The following SLC43A2 variants were observed in gnomAD, a reference collection of about 807,000 sequenced individuals.
SLC43A2 encodes the protein large neutral amino acids transporter small subunit 4.
A neutral mutation model predicts 63.2 loss-of-function variants in SLC43A2; 38 were observed. That is an observed-to-expected ratio of 0.60 (90% CI 0.46 to 0.79). The LOEUF is 0.79. Among genes scored for constraint, SLC43A2 ranks in the 30% least tolerant of loss-of-function variants. The pLI is 0.00. For missense variants in SLC43A2, 644 were observed against 756.2 expected (o/e 0.85, Z 1.74); for synonymous variants, 322 against 331.0 (o/e 0.97, Z 0.30).
chr17:1,591,719 C>CCGGGGGGGGGG lies in SLC43A2; in HGVS notation c.595-21_595-20insCCCCCCCCCCG. ...GATGAGCTGACAGGCACCGCGGGGACGGGGTGGGGGGGGGAGGGGGCAGAG... is the reference window on the plus strand; with the variant it reads ...GATGAGCTGACAGGCACCGCGGGGACCGGGGGGGGGGGGGGTGGGGGGGGGAGGGGGCAGAG... On this transcript the variant is annotated intron_variant, in intron 6 of 13. Transcript: ENST00000301335. 1 of 118,064 alleles carries CCGGGGGGGGGG rather than the reference C, an allele frequency of 8.5e-6. No homozygotes were observed. Among genetic ancestry groups the CCGGGGGGGGGG allele is most frequent in the Non-Finnish European group, 1.8e-5 (1 of 55,434 alleles). The allele number at this position is 118,064 out of a possible 1,614,324, so 7.3% of individuals were successfully genotyped here.
intron 5 of SLC43A2, among the ~76,000 whole-genome samples, chr17:1,598,188 C>T (rs551014462): frequency 2.6e-5 from 4 of 152,188 alleles, no homozygotes; most frequent in South Asian, 2.1e-4. Context: ...TTTGGGAGGC[C>T]GAGGCAGGTG....
At chr17:1,626,978 G>A (rs1243731990) in intron 2 of SLC43A2, among the ~76,000 whole-genome samples, 2 of 152,200 alleles carry the variant, frequency 1.3e-5, no homozygotes, top group African/African-American at 2.4e-5. Context: ...GTAAGTGTGT[G>A]TTGGGTGGTG....
Position 1,593,095 on chromosome 17 carries a change from G to C in SLC43A2, c.594+92C>G, listed in dbSNP as rs556382339. On this transcript the variant is annotated intron_variant, in intron 6 of 13. Coordinates refer to ENST00000301335, the MANE Select transcript of SLC43A2 (RefSeq NM_152346.3). The surrounding 1 kb of genome is among the most constrained non-coding windows in gnomAD (Gnocchi z 5.3). The stretch of plus-strand genomic sequence containing the variant: ...GGGGGTGGTGGAGAGGGGCCACCCC[G>C]GGTGCCCACAATTGCCTCCCTCTTC... 6.3e-6 allele frequency: 8 copies of C among 1,259,952 alleles called. No individual in the cohort carries two copies. The highest frequency in any genetic ancestry group is 9.1e-6 in the Non-Finnish European group (8 of 883,078). The allele number at this position is 1,259,952 out of a possible 1,614,324, so 78.0% of individuals were successfully genotyped here.
chr17:1,595,959 C>T (rs986825095), intron 5 of SLC43A2, among the ~76,000 whole-genome samples: 5 of 152,222 alleles, frequency 3.3e-5, no homozygotes, highest in African/African-American at 1.2e-4. Context: ...GTTTTGCCCA[C>T]TTTTAAAAAT....
chr17:1,606,708 T>C lies in SLC43A2; in HGVS notation c.501+6487A>G, dbSNP rs1410371690. On this transcript the variant is annotated intron_variant, in intron 5 of 13. Transcript: ENST00000301335. This position sits in a 1 kb window ranked among gnomAD's most constrained non-coding sequence, Gnocchi z 4.7. ...CGAGGCACTGAACAAACACTGAGCGTGCCGTCCAGATGTCCCGGGGGAGGC... is the reference window on the plus strand; with the variant it reads ...CGAGGCACTGAACAAACACTGAGCGCGCCGTCCAGATGTCCCGGGGGAGGC... Among the ~76,000 whole-genome samples the C allele has an allele frequency of 6.6e-6, 1 of 152,202 alleles. No individual in the cohort carries two copies. Among genetic ancestry groups the C allele is most frequent in the African/African-American group, 2.4e-5 (1 of 41,468 alleles).
Position 1,575,370 on chromosome 17 carries a change from G to A in SLC43A2, c.*234C>T, listed in dbSNP as rs2075906406. 1 of 572,106 alleles carries A rather than the reference G, an allele frequency of 1.7e-6. No individual in the cohort carries two copies. The highest frequency in any genetic ancestry group is 2.1e-5 in the South Asian group (1 of 48,000). 35.4% of individuals were successfully genotyped at this position (572,106 alleles called of 1,614,324 possible). Reference sequence around the variant, plus strand: ...GACCCCAGGCCCCGGGTCCCCGGGGGGCGGCAGAGCAAAGTCAGGGCAGCC... The same window carrying A: ...GACCCCAGGCCCCGGGTCCCCGGGGAGCGGCAGAGCAAAGTCAGGGCAGCC... On this transcript the variant is annotated 3_prime_UTR_variant, in exon 14 of 14. Transcript: ENST00000301335.
In SLC43A2 at chr17:1,593,341, G is replaced by A. The variant is rs1021978513; in HGVS notation, c.502-62C>T. On this transcript the variant is annotated intron_variant, in intron 5 of 13. Coordinates refer to ENST00000301335, the MANE Select transcript of SLC43A2 (RefSeq NM_152346.3). The surrounding 1 kb of genome is among the most constrained non-coding windows in gnomAD (Gnocchi z 5.3). ...GATGCACCAGGGAAGGGGAGGAGGA[G>A]GGGACAGAGAACTAGGCCCCATGAG... is the stretch of plus-strand genomic sequence containing the variant. 3.3e-6 allele frequency: 5 copies of A among 1,496,348 alleles called. No individual in the cohort carries two copies. In the Admixed American group the frequency reaches 9.1e-5, roughly 27 times the overall value. The allele number at this position is 1,496,348 out of a possible 1,614,324, so 92.7% of individuals were successfully genotyped here.
At chr17:1,604,910 C>A in intron 5 of SLC43A2, 1 of 1,531,056 alleles carries the variant, frequency 6.5e-7, no homozygotes, top group Non-Finnish European at 8.7e-7. Flanking sequence ...GTCTCAGCTG[C>A]GCATAATGGC....
intron 5 of SLC43A2, among the ~76,000 whole-genome samples, chr17:1,596,762 C>T (rs1905316406): frequency 6.6e-6 from 1 of 151,988 alleles, no homozygotes; most frequent in Non-Finnish European, 1.5e-5. Flanking sequence ...TTTGAAATAA[C>T]CAATTTTTTA....
chr17:1,597,205 T>TCAA (rs1905373078), intron 5 of SLC43A2, among the ~76,000 whole-genome samples: 1 of 136,358 alleles, frequency 7.3e-6, no homozygotes, highest in African/African-American at 2.8e-5. Context: ...AGAGCAAGAC[T>TCAA]ACGTTTTAAA....
At chr17:1,624,345 G>A (rs1038309381) in intron 2 of SLC43A2, among the ~76,000 whole-genome samples, 5 of 152,152 alleles carry the variant, frequency 3.3e-5, no homozygotes, top group Non-Finnish European at 7.4e-5. Flanking sequence ...GGCTGAGGCT[G>A]GTGGATCACT....
chr17:1,599,811 G>A (rs1019929507), intron 5 of SLC43A2, among the ~76,000 whole-genome samples: 2 of 151,766 alleles, frequency 1.3e-5, no homozygotes, highest in African/African-American at 2.4e-5. Flanking sequence ...TTGGGAAGCT[G>A]AGGCGGGTGG....
chr17:1,614,253 AC>A (rs772473714), intron 4 of SLC43A2, among the ~76,000 whole-genome samples: 7 of 150,982 alleles, frequency 4.6e-5, no homozygotes, highest in Non-Finnish European at 5.9e-5. Flanking sequence ...AACAACAACA[AC>A]AAAAAAATTA....
At chr17:1,581,194 C>T (rs1042899848) in intron 11 of SLC43A2, among the ~76,000 whole-genome samples, 5 of 23,438 alleles carry the variant, frequency 2.1e-4, no homozygotes, top group South Asian at 2.1e-3. Flanking sequence ...GAGGGCTGTG[C>T]CCAGTGCCCA....
At chr17:1,590,743 C>T (rs1460903898) in intron 9 of SLC43A2, 59 bp downstream of exon 9, 2 of 1,542,814 alleles carry the variant, frequency 1.3e-6, no homozygotes, top group African/African-American at 2.7e-5. Context: ...TGGCCGGTGG[C>T]CAGTGGGCTG....
At chr17:1,604,620 C>A in intron 5 of SLC43A2, 1 of 1,061,172 alleles carries the variant, frequency 9.4e-7, no homozygotes, top group Admixed American at 2.2e-5. Flanking sequence ...CTCATCTGCC[C>A]ACCTCAGCCT....
intron 5 of SLC43A2, 96 bp downstream of exon 5, chr17:1,613,099 G>T: frequency 8.9e-7 from 1 of 1,129,456 alleles, no homozygotes; most frequent in Non-Finnish European, 1.3e-6. Flanking sequence ...GGCACATGCA[G>T]GCACATGGAA....
intron 9 of SLC43A2, among the ~76,000 whole-genome samples, chr17:1,589,561 C>G (rs988288240): frequency 2.0e-5 from 3 of 151,888 alleles, no homozygotes; most frequent in African/African-American, 7.3e-5. Context: ...GACCCTGCCT[C>G]AAAAAAACAA....
In SLC43A2 at chr17:1,583,581, G is replaced by A. The variant is rs2151034361; in HGVS notation, c.1218-245C>T. ...GGTACAAGAAGATGGCCATCCATAT[G>A]CTGCAGTGCTCTGTGAAGGCTGAGC... On this transcript the variant is annotated intron_variant, in intron 10 of 13. Transcript: ENST00000301335. The surrounding 1 kb of genome is among the most constrained non-coding windows in gnomAD (Gnocchi z 5.5). The A allele has an allele frequency of 3.8e-6, 2 of 530,844 alleles. No individual in the cohort carries two copies. Among genetic ancestry groups the A allele is most frequent in the Non-Finnish European group, 6.6e-6 (2 of 302,284 alleles). The allele number at this position is 530,844 out of a possible 1,614,324, so 32.9% of individuals were successfully genotyped here. A position where few individuals can be genotyped will look rare whatever the true frequency, so the allele number is the denominator to read the frequency against.
Sources: allele counts gnomAD v4.1 joint callset (sites outside exome capture counted in the v4.1 genomes callset), GRCh38; gene constraint gnomAD v4.1.1; non-coding constraint Gnocchi (gnomAD v3.1); transcripts MANE v1.5; gene names NCBI Gene and HGNC (gene_info 2026-07-23, HGNC 2026-07-21).